Variants in CC2D2B observed in about 807,000 individuals in gnomAD.
CC2D2B encodes coiled-coil and C2 domain containing 2B.
A neutral mutation model predicts 161.2 loss-of-function variants in CC2D2B; 128 were observed. The ratio of observed to expected loss-of-function variants is 0.79; its 90% CI spans 0.69 to 0.92. The LOEUF is 0.92. CC2D2B is among the 40% of genes least tolerant of loss of function. The pLI is 0.00. For synonymous variants in CC2D2B, 391 were observed against 449.8 expected, an observed-to-expected ratio of 0.87 and a Z score of 1.65; for missense variants, 1,173 against 1,375.1, an observed-to-expected ratio of 0.85 and a Z score of 2.32.
At chr10:95,957,867 T>A (rs547917490) in intron 11 of CC2D2B, among the ~76,000 whole-genome samples, 148 of 141,960 alleles carry the variant, frequency 1.0e-3, no homozygotes, top group Admixed American at 1.6e-3. Context: ...GGCCATGATT[T>A]AAAAAAAAAA....
In CC2D2B at chr10:95,993,783, GTA is replaced by G. The variant is rs200918387; in HGVS notation, c.2642+1097_2642+1098del. 3.1e-3 allele frequency among the ~76,000 whole-genome samples: 420 copies of G among 136,994 alleles called. 2 individuals carry two copies. Among genetic ancestry groups the G allele is most frequent in the Non-Finnish European group, 3.8e-3 (244 of 64,396 alleles). 89.9% of individuals were successfully genotyped at this position (136,994 alleles called of 152,430 possible). On this transcript the variant is annotated intron_variant, in intron 22 of 34. Coordinates refer to ENST00000646931, the MANE Select transcript of CC2D2B (RefSeq NM_001349008.3). ...TAGAAAGAGTGTGTATATATATAGA[GTA>G]TATATATATAGAGAGAGAGAATATA...
At chr10:95,972,358 C>T in intron 16 of CC2D2B, 142 bp downstream of exon 16, 1 of 590,038 alleles carries the variant, frequency 1.7e-6, no homozygotes, top group Non-Finnish European at 2.5e-6. Flanking sequence ...GAGACAGAAT[C>T]TCACCCAGGA....
chr10:96,019,196 C>T lies in CC2D2B; in HGVS notation c.3631-7C>T. On this transcript the variant is annotated splice_region_variant and splice_polypyrimidine_tract_variant and intron_variant, in intron 30 of 34. Coordinates refer to ENST00000646931, the MANE Select transcript of CC2D2B (RefSeq NM_001349008.3). ...CACCAAAAATTACTTTCTTTTTTCT[C>T]ATACAGGGGCATGTGGCTTATGTAG... The T allele has an allele frequency of 6.4e-7, 1 of 1,565,190 alleles. No individual in the cohort carries two copies. Among genetic ancestry groups the T allele is most frequent in the South Asian group, 1.2e-5 (1 of 83,726 alleles).
intron 34 of CC2D2B, among the ~76,000 whole-genome samples, chr10:96,028,704 G>A (rs1333311530): frequency 6.6e-6 from 1 of 152,166 alleles, no homozygotes; most frequent in Non-Finnish European, 1.5e-5. Context: ...GTTCACAAGA[G>A]CCAAGATTTG....
chr10:96,015,006 C>T (rs1345325691), intron 29 of CC2D2B, among the ~76,000 whole-genome samples: 1 of 152,048 alleles, frequency 6.6e-6, no homozygotes, highest in Non-Finnish European at 1.5e-5. Flanking sequence ...CACCCCTTAT[C>T]CCCACCTCCC....
chr10:95,933,597 G>C (rs1327039116), intron 6 of CC2D2B, among the ~76,000 whole-genome samples: 1 of 152,142 alleles, frequency 6.6e-6, no homozygotes, highest in African/African-American at 2.4e-5. Context: ...TGATGTTGAT[G>C]CTATTCCTTT....
chr10:95,970,631 C>G (rs1186831703), intron 15 of CC2D2B, among the ~76,000 whole-genome samples: 1 of 152,190 alleles, frequency 6.6e-6, no homozygotes, highest in Admixed American at 6.5e-5. Context: ...AGCCTGTAGT[C>G]CAAGAACCTG....
rs1355825761 is a variant in CC2D2B, at chr10:95,938,099, A to T, written c.445A>T (p.Ile149Leu). Residue 149 changes from isoleucine (I) to leucine (L), a missense_variant, in exon 7 of 35, where the codon ATA becomes TTA. This residue lies in a region of CC2D2B where 298 missense variants were observed against 261.2 expected (regional missense o/e 1.14). Coordinates refer to ENST00000646931, the MANE Select transcript of CC2D2B (RefSeq NM_001349008.3). Reference protein sequence around the residue: ...EFMKEFILTDILKVKAADYED... With the variant: ...EFMKEFILTDLLKVKAADYED... The stretch of plus-strand genomic sequence containing the variant: ...TATGAAAGAATTCATTTTGACAGAT[A>T]TACTCAAAGTAAAAGCTGCTGACTA... The T allele has an allele frequency of 1.3e-6, 2 of 1,548,702 alleles. No individual in the cohort carries two copies. Among genetic ancestry groups the T allele is most frequent in the African/African-American group, 2.7e-5 (2 of 72,992 alleles).
At chr10:95,939,359 G>GAA (rs1464094512) in intron 9 of CC2D2B, among the ~76,000 whole-genome samples, 8 of 152,038 alleles carry the variant, frequency 5.3e-5, no homozygotes, top group Admixed American at 5.2e-4. Flanking sequence ...TCCATAGTAT[G>GAA]AAAAATACCT....
intron 9 of CC2D2B, among the ~76,000 whole-genome samples, chr10:95,942,801 CT>C (rs1366621589): frequency 1.3e-5 from 2 of 151,840 alleles, no homozygotes; most frequent in Admixed American, 1.3e-4. Context: ...GCTGTTTATT[CT>C]TTTTTCTTAT....
chr10:95,925,064 T>A (rs1482436290), intron 5 of CC2D2B, among the ~76,000 whole-genome samples: 1 of 152,220 alleles, frequency 6.6e-6, no homozygotes, highest in Non-Finnish European at 1.5e-5. Flanking sequence ...TTACTTGGCA[T>A]TACTTTTTAT....
chr10:95,968,051 T>G (rs1273739798), intron 14 of CC2D2B, among the ~76,000 whole-genome samples: 1 of 152,174 alleles, frequency 6.6e-6, no homozygotes, highest in East Asian at 1.9e-4. Context: ...TGAAAGACTC[T>G]AGGAGTTTTA....
chr10:95,986,235 C>T (rs555571331), intron 19 of CC2D2B, among the ~76,000 whole-genome samples: 2 of 150,498 alleles, frequency 1.3e-5, no homozygotes, highest in African/African-American at 4.9e-5. Flanking sequence ...CATGAGATGT[C>T]TCCCCCAGAC....
chr10:95,953,267 A>G (rs1392716835), intron 10 of CC2D2B, among the ~76,000 whole-genome samples: 2 of 152,052 alleles, frequency 1.3e-5, no homozygotes. Context: ...CCAGAGTGCA[A>G]TTATAACTCA....
intron 32 of CC2D2B, 77 bp downstream of exon 32, chr10:96,019,901 A>C: frequency 1.5e-6 from 2 of 1,318,952 alleles, no homozygotes; most frequent in Non-Finnish European, 2.1e-6. Context: ...GACAGCTCTT[A>C]TTATGTTTTA....
chr10:95,947,570 C>T (rs187265928), intron 9 of CC2D2B, among the ~76,000 whole-genome samples: 11 of 151,886 alleles, frequency 7.2e-5, no homozygotes, highest in Middle Eastern at 3.4e-3. Flanking sequence ...GGTGAAACAC[C>T]GTCTCTACTA....
intron 29 of CC2D2B, among the ~76,000 whole-genome samples, chr10:96,015,952 C>G (rs572196841): frequency 6.6e-6 from 1 of 152,298 alleles, no homozygotes; most frequent in East Asian, 1.9e-4. Flanking sequence ...TGTCTGGTCA[C>G]TCTATACAAT....
At position 96,025,172 on chromosome 10, in the gene CC2D2B, TATATATATATATAA is replaced by T. The variant is rs1564683862; in HGVS notation, c.3947+263_3947+276del. Among the ~76,000 whole-genome samples the T allele has an allele frequency of 2.7e-3, 48 of 17,618 alleles. 4 individuals carry two copies. The highest frequency in any genetic ancestry group is 9.7e-3 in the African/African-American group (47 of 4,854). 11.6% of individuals were successfully genotyped at this position (17,618 alleles called of 152,430 possible). On this transcript the variant is annotated intron_variant, in intron 33 of 34. Coordinates refer to ENST00000646931, the MANE Select transcript of CC2D2B (RefSeq NM_001349008.3). ...AAAAAAAAATATATATATATATATA[TATATATATATATAA>T]AAAAAAATATATATATATATATATA...
At chr10:96,015,231 A>T (rs1485702453) in intron 29 of CC2D2B, among the ~76,000 whole-genome samples, 2 of 111,332 alleles carry the variant, frequency 1.8e-5, no homozygotes, top group South Asian at 3.0e-4. Flanking sequence ...GGCCCAGCTA[A>T]TTTTTTTTTT....
Sources: gnomAD v4.1 joint callset for allele counts (sites outside exome capture counted in the v4.1 genomes callset) on GRCh38, gnomAD v4.1.1 for gene constraint, gnomAD v4.1.1 regional missense constraint, MANE v1.5 for transcripts, NCBI Gene and HGNC (gene_info 2026-07-23, HGNC 2026-07-21) for gene names.